SH3GL2: variants seen among roughly 807,000 people sequenced by gnomAD.
SH3GL2 encodes the protein endophilin-A1.
SH3GL2 carries 24 observed loss-of-function variants against 46.0 expected under a neutral mutation model. The ratio of observed to expected loss-of-function variants is 0.52; its 90% CI spans 0.38 to 0.73. SH3GL2 has a LOEUF of 0.73. SH3GL2 is among the 30% of genes least tolerant of loss of function. The pLI, the probability that SH3GL2 is intolerant of heterozygous loss-of-function variation, is 0.00. For missense variants in SH3GL2, 413 were observed against 424.2 expected (o/e 0.97, Z 0.23); for synonymous variants, 196 against 147.1 (o/e 1.33, Z -2.40).
In SH3GL2 at chr9:17,636,215, C is replaced by T. The variant is rs1425342725; in HGVS notation, c.45+56928C>T. On this transcript the variant is annotated intron_variant, in intron 1 of 8. Transcript: ENST00000380607. ...CATGGGATAACCGTGGATTGAAAAG[C>T]ACCAAGTGCATCTTATGAATGCATT... Among the ~76,000 whole-genome samples, 11 of 152,240 alleles carry T rather than the reference C, an allele frequency of 7.2e-5. No individual in the cohort carries two copies. In the East Asian group the frequency reaches 2.1e-3, roughly 29 times the overall value.
chr9:17,721,769 A>G (rs1193705546), intron 1 of SH3GL2, among the ~76,000 whole-genome samples: 1 of 152,072 alleles, frequency 6.6e-6, no homozygotes, highest in Non-Finnish European at 1.5e-5. Flanking sequence ...TCCAGTTTGA[A>G]GAGAGGCCTT....
intron 1 of SH3GL2, among the ~76,000 whole-genome samples, chr9:17,732,340 A>G (rs1822208845): frequency 6.6e-6 from 1 of 152,136 alleles, no homozygotes; most frequent in South Asian, 2.1e-4. Context: ...GGGGAATGAT[A>G]TCAAAGAGAA....
intron 1 of SH3GL2, among the ~76,000 whole-genome samples, chr9:17,622,186 G>T (rs2134603511): frequency 6.6e-6 from 1 of 152,158 alleles, no homozygotes; most frequent in South Asian, 2.1e-4. Flanking sequence ...ATTATTTAGG[G>T]ATTATTTATT....
chr9:17,782,532 G>C (rs1037665732), intron 3 of SH3GL2, among the ~76,000 whole-genome samples: 24 of 152,134 alleles, frequency 1.6e-4, no homozygotes, highest in African/African-American at 5.1e-4. Context: ...AAAAGACTCA[G>C]TGGTAGCCTT....
chr9:17,616,186 A>T (rs1184775630), intron 1 of SH3GL2, among the ~76,000 whole-genome samples: 1 of 152,214 alleles, frequency 6.6e-6, no homozygotes, highest in African/African-American at 2.4e-5. Flanking sequence ...TAGATGAAGC[A>T]CTTATGTTTC....
At position 17,714,879 on chromosome 9, in the gene SH3GL2, G is replaced by A. The variant is rs144770607; in HGVS notation, c.46-32187G>A. Among the ~76,000 whole-genome samples, 185 of 151,552 alleles carry A rather than the reference G, an allele frequency of 1.2e-3. 6 individuals carry two copies. In the East Asian group the frequency reaches 0.027, roughly 22 times the overall value. On this transcript the variant is annotated intron_variant, in intron 1 of 8. Coordinates refer to ENST00000380607, the MANE Select transcript of SH3GL2 (RefSeq NM_003026.5). ...TGGTATCATTTGTTTTTTGCTTGAA[G>A]GACTTTCTTTAATATTTCTTTCTCA...
At chr9:17,746,493 C>A (rs997480492) in intron 1 of SH3GL2, among the ~76,000 whole-genome samples, 5 of 152,222 alleles carry the variant, frequency 3.3e-5, no homozygotes, top group African/African-American at 1.2e-4. Flanking sequence ...ATGCCTTCAA[C>A]AGCTTTCTAT....
intron 1 of SH3GL2, among the ~76,000 whole-genome samples, chr9:17,730,794 A>C (rs1247753622): frequency 7.4e-6 from 1 of 134,288 alleles, no homozygotes; most frequent in African/African-American, 3.3e-5. Flanking sequence ...AATTCAACAA[A>C]GTGCAAAATT....
intron 1 of SH3GL2, among the ~76,000 whole-genome samples, chr9:17,689,347 GA>G (rs561950695): frequency 1.3e-5 from 2 of 151,928 alleles, no homozygotes; most frequent in African/African-American, 4.8e-5. Flanking sequence ...TCCTGTAACA[GA>G]AAAAAATGGC....
At chr9:17,597,480 G>A (rs1818595921) in intron 1 of SH3GL2, among the ~76,000 whole-genome samples, 1 of 151,398 alleles carries the variant, frequency 6.6e-6, no homozygotes, top group Non-Finnish European at 1.5e-5. Context: ...TCATGCCACT[G>A]CACTCCAGCC....
At position 17,622,986 on chromosome 9, in the gene SH3GL2, G is replaced by GTTCCTTTCCTTTCCTTTCC. The variant is rs1554631076; in HGVS notation, c.45+43701_45+43702insCCTTTCCTTTCCTTTCCTT. On this transcript the variant is annotated intron_variant, in intron 1 of 8. Coordinates refer to ENST00000380607, the MANE Select transcript of SH3GL2 (RefSeq NM_003026.5). ...CTCCCTTTTCCTTTCGTTTCCTTTC[G>GTTCCTTTCCTTTCCTTTCC]TTTCCTTTCCTTTCCTTTCCTTTCC... is the stretch of plus-strand genomic sequence containing the variant. Among the ~76,000 whole-genome samples, 202 of 99,368 alleles carry GTTCCTTTCCTTTCCTTTCC rather than the reference G, an allele frequency of 2.0e-3. 22 individuals are homozygous for GTTCCTTTCCTTTCCTTTCC. Among genetic ancestry groups the GTTCCTTTCCTTTCCTTTCC allele is most frequent in the East Asian group, 0.017 (62 of 3,684 alleles). 65.2% of individuals were successfully genotyped at this position (99,368 alleles called of 152,430 possible).
intron 2 of SH3GL2, among the ~76,000 whole-genome samples, chr9:17,755,465 G>A (rs1822961893): frequency 6.6e-6 from 1 of 151,998 alleles, no homozygotes; most frequent in Non-Finnish European, 1.5e-5. Context: ...GTATCTTTGT[G>A]GCTAATTTTA....
In SH3GL2 at chr9:17,698,700, G is replaced by T. The variant is rs1205506894; in HGVS notation, c.46-48366G>T. Among the ~76,000 whole-genome samples, 4 of 152,112 alleles carry T rather than the reference G, an allele frequency of 2.6e-5. No homozygotes were observed. The East Asian group carries it at 7.7e-4, about 29-fold the overall frequency. ...TAATAAATTCTCTGACTTTGTTTCT[G>T]CTTATGCAGAAGAGGTGGACTAAAT... On this transcript the variant is annotated intron_variant, in intron 1 of 8. Transcript: ENST00000380607.
chr9:17,593,541 C>T (rs1015376691), intron 1 of SH3GL2, among the ~76,000 whole-genome samples: 3 of 152,160 alleles, frequency 2.0e-5, no homozygotes, highest in Non-Finnish European at 2.9e-5. Context: ...TTTTTTCCTA[C>T]ATCCTTACAA....
In SH3GL2 at chr9:17,587,838, T is replaced by A. The variant is rs145503516; in HGVS notation, c.45+8551T>A. ...GAGGCAGAGGTTGCAGTGAGCCAGA[T>A]TGCACCACTGCACTCCAGCCTGAGC... is the stretch of plus-strand genomic sequence containing the variant. On this transcript the variant is annotated intron_variant, in intron 1 of 8. Coordinates refer to ENST00000380607, the MANE Select transcript of SH3GL2 (RefSeq NM_003026.5). 9.9e-5 allele frequency among the ~76,000 whole-genome samples: 15 copies of A among 152,030 alleles called. No individual in the cohort carries two copies. The East Asian group carries it at 2.9e-3, about 29-fold the overall frequency.
chr9:17,691,004 A>G (rs1411744914), intron 1 of SH3GL2, among the ~76,000 whole-genome samples: 3 of 152,162 alleles, frequency 2.0e-5, no homozygotes, highest in Non-Finnish European at 4.4e-5. Flanking sequence ...ATACTTTTAA[A>G]TAATTTCTTC....
intron 1 of SH3GL2, among the ~76,000 whole-genome samples, chr9:17,582,691 A>G (rs949257854): frequency 6.6e-6 from 1 of 152,250 alleles, no homozygotes; most frequent in South Asian, 2.1e-4. Flanking sequence ...AGTCGTTTCA[A>G]CGACAGAAAT....
intron 1 of SH3GL2, among the ~76,000 whole-genome samples, chr9:17,580,849 C>A (rs962952568): frequency 1.3e-5 from 2 of 152,194 alleles, no homozygotes; most frequent in African/African-American, 4.8e-5. Context: ...ACCAACACAT[C>A]TTTTTTCCAC....
intron 1 of SH3GL2, among the ~76,000 whole-genome samples, chr9:17,604,461 C>G (rs1270271487): frequency 6.6e-6 from 1 of 152,180 alleles, no homozygotes; most frequent in African/African-American, 2.4e-5. Flanking sequence ...TTTGTTATTG[C>G]TTTGTTATTG....
Sources: gnomAD v4.1 joint callset for allele counts (sites outside exome capture counted in the v4.1 genomes callset) on GRCh38, gnomAD v4.1.1 for gene constraint, MANE v1.5 for transcripts, NCBI Gene and HGNC (gene_info 2026-07-23, HGNC 2026-07-21) for gene names.